Variants in RBFOX1 observed in about 807,000 individuals in gnomAD.
The protein encoded by RBFOX1 is RNA binding protein fox-1 homolog 1.
In RBFOX1, 8 loss-of-function variants were observed where a neutral mutation model predicts 57.7. That is an observed-to-expected ratio of 0.14 (90% CI 0.08 to 0.25). The LOEUF (loss-of-function observed/expected upper bound fraction) is 0.25. RBFOX1 is among the 10% of genes least tolerant of loss of function. The pLI is 1.00. For missense variants in RBFOX1, 611 were observed against 548.5 expected, an observed-to-expected ratio of 1.11 and a Z score of -1.14; for synonymous variants, 326 against 222.4, an observed-to-expected ratio of 1.47 and a Z score of -4.15.
At chr16:7,052,186 C>T in intron 4 of RBFOX1, 88 bp downstream of exon 4, 2 of 1,519,520 alleles carry the variant, frequency 1.3e-6, no homozygotes, top group Non-Finnish European at 1.8e-6. Context: ...GACACGGGTT[C>T]TAAATAACAG....
chr16:7,596,665 C>G (rs1399805335), intron 8 of RBFOX1, among the ~76,000 whole-genome samples: 2 of 151,930 alleles, frequency 1.3e-5, no homozygotes, highest in African/African-American at 4.8e-5. Flanking sequence ...GATATTGGTA[C>G]GCCTGTAATT....
At chr16:7,117,156 G>C (rs1235215506) in intron 4 of RBFOX1, among the ~76,000 whole-genome samples, 1 of 152,146 alleles carries the variant, frequency 6.6e-6, no homozygotes, top group Non-Finnish European at 1.5e-5. Context: ...GTGAGGGCTG[G>C]AATGGGAGGG....
At chr16:7,631,971 G>C (rs2142790094) in intron 11 of RBFOX1, among the ~76,000 whole-genome samples, 1 of 152,256 alleles carries the variant, frequency 6.6e-6, no homozygotes, top group South Asian at 2.1e-4. Context: ...GTGCAGTGGT[G>C]CCATCTCAGC....
At chr16:7,217,248 C>A (rs962783430) in intron 4 of RBFOX1, among the ~76,000 whole-genome samples, 6 of 149,304 alleles carry the variant, frequency 4.0e-5, no homozygotes, top group Non-Finnish European at 7.4e-5. Flanking sequence ...ACTACAGGTG[C>A]GTTCCACCAC....
In RBFOX1 at chr16:6,800,566, G is replaced by C. The variant is rs112337893; in HGVS notation, c.-16+145916G>C. Among the ~76,000 whole-genome samples the C allele has an allele frequency of 8.5e-4, 129 of 152,198 alleles. 1 individual carries two copies. The highest frequency in any genetic ancestry group is 3.0e-3 in the African/African-American group (125 of 41,556). The stretch of plus-strand genomic sequence containing the variant: ...CTACACTTTAAGTAACAAGCTTCTA[G>C]AGGGCCCGGTAATCACCTGGCCGGA... On this transcript the variant is annotated intron_variant, in intron 3 of 15. Coordinates refer to ENST00000550418, the MANE Select transcript of RBFOX1 (RefSeq NM_018723.4).
intron 3 of RBFOX1, among the ~76,000 whole-genome samples, chr16:6,783,042 G>A (rs911069977): frequency 5.3e-5 from 8 of 151,862 alleles, no homozygotes; most frequent in African/African-American, 1.7e-4. Flanking sequence ...TCTGGTATAA[G>A]TACAGCTCTT....
chr16:5,979,004 A>C (rs1367494015), intron 4 of RBFOX1, among the ~76,000 whole-genome samples: 1 of 152,208 alleles, frequency 6.6e-6, no homozygotes, highest in African/African-American at 2.4e-5. Context: ...TAAGAAAGTT[A>C]CTAGGCCTAG....
chr16:5,873,131 A>G (rs2057516883), intron 4 of RBFOX1, among the ~76,000 whole-genome samples: 1 of 152,158 alleles, frequency 6.6e-6, no homozygotes, highest in African/African-American at 2.4e-5. Context: ...CAGCCTAGCA[A>G]CAGAGCAAGA....
intron 3 of RBFOX1, among the ~76,000 whole-genome samples, chr16:6,754,258 C>G (rs544265741): frequency 1.3e-5 from 2 of 152,268 alleles, no homozygotes; most frequent in East Asian, 3.9e-4. Flanking sequence ...TTATTCAGAT[C>G]AATTTCCAGA....
intron 3 of RBFOX1, among the ~76,000 whole-genome samples, chr16:5,822,121 A>G (rs1160204759): frequency 3.3e-5 from 5 of 152,256 alleles, no homozygotes; most frequent in Non-Finnish European, 7.3e-5. Flanking sequence ...ACATGAATTA[A>G]CAGCATTTGC....
At chr16:5,375,033 C>G (rs1362733049) in intron 1 of RBFOX1, among the ~76,000 whole-genome samples, 1 of 125,772 alleles carries the variant, frequency 8.0e-6, no homozygotes, top group Non-Finnish European at 1.5e-5. Context: ...GTGCCAGACA[C>G]AGGCAGTAGT....
chr16:6,542,757 G>C (rs1483635300), intron 2 of RBFOX1, among the ~76,000 whole-genome samples: 1 of 152,130 alleles, frequency 6.6e-6, no homozygotes, highest in East Asian at 1.9e-4. Context: ...CCCCAGAAGT[G>C]CTGGGATTAC....
At chr16:6,893,630 A>G (rs1411421541) in intron 3 of RBFOX1, among the ~76,000 whole-genome samples, 1 of 152,188 alleles carries the variant, frequency 6.6e-6, no homozygotes, top group Non-Finnish European at 1.5e-5. Flanking sequence ...GGAGAACAAA[A>G]GCCCTGTTCC....
chr16:5,972,250 G>A (rs2059976758), intron 4 of RBFOX1, among the ~76,000 whole-genome samples: 1 of 152,112 alleles, frequency 6.6e-6, no homozygotes, highest in Non-Finnish European at 1.5e-5. Flanking sequence ...TGATCCTCTG[G>A]AGAACCCTGA....
At chr16:7,464,649 TC>T (rs1472106934) in intron 4 of RBFOX1, among the ~76,000 whole-genome samples, 2 of 148,766 alleles carry the variant, frequency 1.3e-5, no homozygotes, top group Non-Finnish European at 1.5e-5. Flanking sequence ...TTTAATTGGA[TC>T]CCCCCTCCCC....
rs182521192 is a variant in RBFOX1, at chr16:5,571,007, T to G, written c.259-27895T>G. ...TTTTATTTTCTTCTCAAAATAATAT[T>G]CAGCTCTCATATACACAATCTCTTG... On this transcript the variant is annotated intron_variant, in intron 2 of 2. Coordinates refer to the RBFOX1 transcript ENST00000585867. 1.5e-4 allele frequency among the ~76,000 whole-genome samples: 23 copies of G among 152,220 alleles called. No individual in the cohort carries two copies. In the East Asian group the frequency reaches 1.7e-3, roughly 12 times the overall value.
chr16:6,198,681 G>A (rs140709750), intron 1 of RBFOX1, among the ~76,000 whole-genome samples: 83 of 152,178 alleles, frequency 5.5e-4, no homozygotes, highest in African/African-American at 2.0e-3. Flanking sequence ...AAAAGTTGGT[G>A]GTGATTGAGT....
chr16:6,969,955 G>T (rs1265930812), intron 3 of RBFOX1, among the ~76,000 whole-genome samples: 2 of 152,000 alleles, frequency 1.3e-5, no homozygotes, highest in African/African-American at 2.4e-5. Flanking sequence ...CACACAATAA[G>T]GACACGTGTT....
At chr16:7,660,526 G>C (rs1342190136) in intron 12 of RBFOX1, among the ~76,000 whole-genome samples, 1 of 152,158 alleles carries the variant, frequency 6.6e-6, no homozygotes, top group East Asian at 1.9e-4. Flanking sequence ...TACATTTTTG[G>C]AAACTAGCAT....
Sources: gnomAD v4.1 joint callset for allele counts (sites outside exome capture counted in the v4.1 genomes callset) on GRCh38, gnomAD v4.1.1 for gene constraint, MANE v1.5 for transcripts, NCBI Gene and HGNC (gene_info 2026-07-23, HGNC 2026-07-21) for gene names.